Variants in RBFOX1 observed in about 807,000 individuals in gnomAD.
RBFOX1 encodes the protein RNA binding fox-1 homolog 1.
Under a neutral mutation model 57.7 loss-of-function variants are expected in RBFOX1, and 8 were observed. The observed-to-expected ratio is 0.14, with a 90% CI of 0.08 to 0.25. The LOEUF (loss-of-function observed/expected upper bound fraction) is 0.25, where lower values mean the gene tolerates loss of function less well. Ranked by LOEUF, RBFOX1 falls within the 10% of genes least tolerant of loss-of-function variation. RBFOX1 has a pLI of 1.00. For missense variants in RBFOX1, 611 were observed against 548.5 expected, an observed-to-expected ratio of 1.11 and a Z score of -1.14; for synonymous variants, 326 against 222.4, an observed-to-expected ratio of 1.47 and a Z score of -4.15.
intron 4 of RBFOX1, among the ~76,000 whole-genome samples, chr16:7,269,342 A>C (rs1485771469): frequency 1.3e-5 from 2 of 152,110 alleles, no homozygotes; most frequent in Admixed American, 1.3e-4. Context: ...AATATTGAGA[A>C]ACACATACAA....
At chr16:6,901,458 T>C (rs964398031) in intron 3 of RBFOX1, among the ~76,000 whole-genome samples, 1 of 152,162 alleles carries the variant, frequency 6.6e-6, no homozygotes, top group Non-Finnish European at 1.5e-5. Context: ...GCCTGGCCTA[T>C]GTCTGCCCCT....
chr16:7,143,057 G>T (rs1600821245), intron 4 of RBFOX1, among the ~76,000 whole-genome samples: 1 of 152,012 alleles, frequency 6.6e-6, no homozygotes, highest in East Asian at 1.9e-4. Flanking sequence ...GTTTATGTGT[G>T]CAGTGTCCTT....
chr16:5,681,076 T>A (rs1314149429), intron 3 of RBFOX1, among the ~76,000 whole-genome samples: 1 of 151,822 alleles, frequency 6.6e-6, no homozygotes, highest in African/African-American at 2.4e-5. Flanking sequence ...TGAGGTAATA[T>A]ATATATATAT....
chr16:6,798,673 G>GTT (rs1328213268), intron 3 of RBFOX1, among the ~76,000 whole-genome samples: 3 of 152,194 alleles, frequency 2.0e-5, no homozygotes, highest in African/African-American at 7.2e-5. Flanking sequence ...CTTTAATTTT[G>GTT]TGCTTTTCAC....
intron 14 of RBFOX1, among the ~76,000 whole-genome samples, chr16:7,699,244 G>C (rs905315887): frequency 6.7e-6 from 1 of 148,894 alleles, no homozygotes; most frequent in African/African-American, 2.5e-5. Context: ...AGAGTTCAGT[G>C]CAATAGCCTG....
chr16:5,956,836 A>AT (rs200469523), intron 4 of RBFOX1, among the ~76,000 whole-genome samples: 14,790 of 138,484 alleles, frequency 0.11, 879 homozygotes, highest in Middle Eastern at 0.21. Flanking sequence ...TGCCTGGCTA[A>AT]TTTTTTTTTT....
intron 3 of RBFOX1, among the ~76,000 whole-genome samples, chr16:6,959,403 A>G (rs1344682481): frequency 6.6e-6 from 1 of 152,228 alleles, no homozygotes; most frequent in Non-Finnish European, 1.5e-5. Flanking sequence ...GGGGTTTCTA[A>G]GAGTTGTACT....
At chr16:6,899,843 G>A (rs551197274) in intron 3 of RBFOX1, among the ~76,000 whole-genome samples, 14 of 152,274 alleles carry the variant, frequency 9.2e-5, no homozygotes, top group South Asian at 6.2e-4. Context: ...GGAGCATTTC[G>A]TTAGTAAATA....
At chr16:5,968,718 C>G (rs538704479) in intron 4 of RBFOX1, among the ~76,000 whole-genome samples, 1 of 151,792 alleles carries the variant, frequency 6.6e-6, no homozygotes, top group East Asian at 1.9e-4. Context: ...GTTTTTGTTT[C>G]GATGTGTGAT....
chr16:6,792,725 G>A (rs542020170), intron 3 of RBFOX1, among the ~76,000 whole-genome samples: 2 of 152,254 alleles, frequency 1.3e-5, no homozygotes, highest in African/African-American at 4.8e-5. Context: ...GATTGTTCTT[G>A]AAGGGGATAT....
chr16:5,302,839 C>G (rs1033197342), intron 1 of RBFOX1, among the ~76,000 whole-genome samples: 2 of 152,116 alleles, frequency 1.3e-5, no homozygotes, highest in African/African-American at 4.8e-5. Context: ...AACTGTGTTT[C>G]TTATAAACAG....
rs564648154 is a variant in RBFOX1 at position 6,969,516 on chromosome 16, A to T, written c.-15-82541A>T. The stretch of plus-strand genomic sequence containing the variant: ...TCAGGAGGCCAACGTAGGTGGATCG[A>T]TTGAGCTCGGGAGTTTGAGACCACA... On this transcript the variant is annotated intron_variant, in intron 3 of 15. Transcript: ENST00000550418. 1.5e-4 allele frequency among the ~76,000 whole-genome samples: 23 copies of T among 152,118 alleles called. 1 individual carries two copies. The South Asian group carries it at 2.5e-3, about 17-fold the overall frequency.
chr16:5,792,224 T>G (rs1367603651), intron 3 of RBFOX1, among the ~76,000 whole-genome samples: 1 of 152,214 alleles, frequency 6.6e-6, no homozygotes, highest in Admixed American at 6.5e-5. Flanking sequence ...ACTGAATGGC[T>G]TCTCTGTAAA....
intron 4 of RBFOX1, among the ~76,000 whole-genome samples, chr16:7,194,680 C>T (rs1052868735): frequency 6.6e-6 from 1 of 152,082 alleles, no homozygotes; most frequent in South Asian, 2.1e-4. Flanking sequence ...GTAATCCCAG[C>T]AATTTTAGAG....
intron 3 of RBFOX1, among the ~76,000 whole-genome samples, chr16:5,825,423 C>A (rs777226614): frequency 2.6e-5 from 4 of 152,190 alleles, no homozygotes; most frequent in Non-Finnish European, 5.9e-5. Flanking sequence ...CACCAGGAGT[C>A]ACCTACTATA....
At chr16:7,084,498 A>T (rs2059685984) in intron 4 of RBFOX1, among the ~76,000 whole-genome samples, 1 of 152,224 alleles carries the variant, frequency 6.6e-6, no homozygotes, top group South Asian at 2.1e-4. Context: ...CTGATTTCAG[A>T]AGGCCACTTG....
chr16:6,741,193 A>T (rs1568422193), intron 3 of RBFOX1, among the ~76,000 whole-genome samples: 1 of 152,172 alleles, frequency 6.6e-6, no homozygotes, highest in African/African-American at 2.4e-5. Context: ...TAAATAATAA[A>T]TCTTGACCTA....
intron 5 of RBFOX1, among the ~76,000 whole-genome samples, chr16:7,532,741 C>A (rs1165040852): frequency 6.6e-6 from 1 of 152,224 alleles, no homozygotes; most frequent in African/African-American, 2.4e-5. Flanking sequence ...AACACAGTCA[C>A]ACTAACTGGT....
At chr16:7,041,073 G>A (rs2045997971) in intron 3 of RBFOX1, among the ~76,000 whole-genome samples, 1 of 141,218 alleles carries the variant, frequency 7.1e-6, no homozygotes, top group African/African-American at 2.7e-5. Context: ...GTGCCAACAC[G>A]CCCAGCTAAT....
Sources: gnomAD v4.1 joint callset for allele counts (sites outside exome capture counted in the v4.1 genomes callset) on GRCh38, gnomAD v4.1.1 for gene constraint, MANE v1.5 for transcripts, NCBI Gene and HGNC (gene_info 2026-07-23, HGNC 2026-07-21) for gene names.